The following MYO1H variants were observed in gnomAD, a reference collection of about 807,000 sequenced individuals.
MYO1H encodes the protein unconventional myosin-Ih.
MYO1H carries 118 observed loss-of-function variants against 149.3 expected under a neutral mutation model. The ratio of observed to expected loss-of-function variants is 0.79; its 90% CI spans 0.68 to 0.92. The LOEUF is 0.92. Ranked by LOEUF, MYO1H falls within the 40% of genes least tolerant of loss-of-function variation. The pLI, the probability that MYO1H is intolerant of heterozygous loss-of-function variation, is 0.00. For synonymous variants in MYO1H, 447 were observed against 465.2 expected (o/e 0.96, Z 0.50); for missense variants, 1,212 against 1,280.7 (o/e 0.95, Z 0.82).
At chr12:109,361,584 T>G (rs1336417440) in intron 1 of MYO1H, among the ~76,000 whole-genome samples, 2 of 152,052 alleles carry the variant, frequency 1.3e-5, no homozygotes, top group Non-Finnish European at 2.9e-5. Flanking sequence ...GGCAGGCAGA[T>G]CACTTGAGCT....
At chr12:109,420,020 G>T (rs1019394806) in intron 15 of MYO1H, among the ~76,000 whole-genome samples, 11 of 152,156 alleles carry the variant, frequency 7.2e-5, no homozygotes, top group African/African-American at 2.2e-4. Flanking sequence ...GATGCTGTTG[G>T]GTACCACCAG....
chr12:109,318,265 GTTTATA>G, the MYO1H span, among the ~76,000 whole-genome samples: 1 of 152,036 alleles, frequency 6.6e-6, no homozygotes, highest in Non-Finnish European at 1.5e-5. Context: ...ATTAGAACAA[GTTTATA>G]TTTATTATAA....
At chr12:109,396,359 T>C (rs1161524784) in intron 3 of MYO1H, 25 bp from the exon 4 acceptor site, 4 of 1,571,294 alleles carry the variant, frequency 2.5e-6, no homozygotes, top group Non-Finnish European at 3.5e-6. Flanking sequence ...AAAACGAATT[T>C]GTTTCCGTCT....
chr12:109,344,969 TACTC>T (rs2048098271), upstream of MYO1H, among the ~76,000 whole-genome samples: 1 of 152,200 alleles, frequency 6.6e-6, no homozygotes, highest in Non-Finnish European at 1.5e-5. Flanking sequence ...CACAAAAACT[TACTC>T]AAAATGAATT....
At chr12:109,440,618 A>G in intron 24 of MYO1H, 126 bp from the exon 25 acceptor site, 1 of 695,794 alleles carries the variant, frequency 1.4e-6, no homozygotes, top group Non-Finnish European at 2.5e-6. Context: ...TAAAATATAA[A>G]ATATTAACAC....
At position 109,443,116 on chromosome 12, in the gene MYO1H, A is replaced by ATATATGTGTACGTATATGTGTG. The variant is rs1566044937; in HGVS notation, c.2689-395_2689-394insATGTGTACGTATATGTGTGTAT. Among the ~76,000 whole-genome samples the ATATATGTGTACGTATATGTGTG allele has an allele frequency of 1.7e-4, 21 of 123,290 alleles. 5 individuals are homozygous for ATATATGTGTACGTATATGTGTG. The highest frequency in any genetic ancestry group is 6.4e-4 in the Admixed American group (8 of 12,532). The allele number at this position is 123,290 out of a possible 152,430, so 80.9% of individuals were successfully genotyped here. On this transcript the variant is annotated intron_variant, in intron 27 of 31. Coordinates refer to ENST00000310903, the Ensembl canonical transcript of MYO1H. ...TATATATGTGTACGTATATGTGTGT[A>ATATATGTGTACGTATATGTGTG]TATGTGTACGTATATATGTGTGTAT...
At chr12:109,399,963 T>TC in intron 5 of MYO1H, among the ~76,000 whole-genome samples, 1 of 152,032 alleles carries the variant, frequency 6.6e-6, no homozygotes, top group South Asian at 2.1e-4. Flanking sequence ...CCCAACACAC[T>TC]CCCCCTTCCC....
chr12:109,321,856 A>G, the MYO1H span, among the ~76,000 whole-genome samples: 42 of 152,350 alleles, frequency 2.8e-4, no homozygotes, highest in African/African-American at 9.4e-4. Context: ...ACTGATGACT[A>G]CAACCATTCC....
intron 22 of MYO1H, among the ~76,000 whole-genome samples, chr12:109,437,839 G>A (rs1871927227): frequency 6.6e-6 from 1 of 152,138 alleles, no homozygotes. Context: ...TGTAATTTCA[G>A]CACTTTGGGA....
chr12:109,312,465 G>A, the MYO1H span, among the ~76,000 whole-genome samples: 1 of 152,128 alleles, frequency 6.6e-6, no homozygotes, highest in Non-Finnish European at 1.5e-5. Context: ...TCAATCTCCT[G>A]ACCTCGTGAT....
chr12:109,351,565 TAA>T (rs546870165), intron 1 of MYO1H, among the ~76,000 whole-genome samples: 27 of 152,352 alleles, frequency 1.8e-4, no homozygotes, highest in African/African-American at 6.3e-4. Context: ...GTTATATTTC[TAA>T]AGAGATTGTA....
At chr12:109,408,330 C>T (rs545794117) in intron 10 of MYO1H, among the ~76,000 whole-genome samples, 3 of 146,322 alleles carry the variant, frequency 2.1e-5, no homozygotes, top group South Asian at 4.3e-4. Flanking sequence ...TACCACCATG[C>T]CCTGCTAATT....
chr12:109,417,330 T>C (rs192409302), intron 15 of MYO1H, among the ~76,000 whole-genome samples: 35 of 152,290 alleles, frequency 2.3e-4, no homozygotes, highest in African/African-American at 8.2e-4. Flanking sequence ...TCATTCTATA[T>C]ATCTGTTATG....
chr12:109,416,077 G>A (rs1407713264), intron 15 of MYO1H, among the ~76,000 whole-genome samples: 2 of 151,846 alleles, frequency 1.3e-5, no homozygotes, highest in African/African-American at 4.8e-5. Context: ...CAAGTAACTG[G>A]GATTACAGGT....
intron 1 of MYO1H, among the ~76,000 whole-genome samples, chr12:109,351,497 C>G (rs1271308053): frequency 1.3e-5 from 2 of 152,222 alleles, no homozygotes; most frequent in African/African-American, 4.8e-5. Flanking sequence ...TAAAAGCCAT[C>G]TAAAAGATTA....
At position 109,401,398 on chromosome 12, in the gene MYO1H, T is replaced by A. The variant is rs911593115; in HGVS notation, c.750+126T>A. 8 of 942,340 alleles carry A rather than the reference T, an allele frequency of 8.5e-6. 1 individual carries two copies. Among genetic ancestry groups the A allele is most frequent in the Non-Finnish European group, 1.2e-5 (8 of 643,656 alleles). 58.4% of individuals were successfully genotyped at this position (942,340 alleles called of 1,614,324 possible). A position where few individuals can be genotyped will look rare whatever the true frequency, so the allele number is the denominator to read the frequency against. On this transcript the variant is annotated intron_variant, in intron 6 of 31. Transcript: ENST00000310903. ...CCTGCTATGTGTCCTATTGGCTGAT[T>A]TCTCCATATATATATCACAAGCAAT...
At chr12:109,318,976 T>TTG in the MYO1H span, among the ~76,000 whole-genome samples, 1 of 135,922 alleles carries the variant, frequency 7.4e-6, no homozygotes, top group Non-Finnish European at 1.5e-5. Flanking sequence ...GGTTTTGTTT[T>TTG]TTTTTTTTTT....
intron 2 of MYO1H, 85 bp downstream of exon 2, chr12:109,388,929 A>C: frequency 6.8e-7 from 1 of 1,460,454 alleles, no homozygotes; most frequent in Non-Finnish European, 9.3e-7. Context: ...GAATAATAGC[A>C]CTCTATTAGG....
upstream of MYO1H, among the ~76,000 whole-genome samples, chr12:109,346,880 GTTATA>G (rs1443384399): frequency 6.6e-6 from 1 of 152,106 alleles, no homozygotes; most frequent in Non-Finnish European, 1.5e-5. Context: ...TCAAGGATAT[GTTATA>G]TTACCTATTC....
Sources: allele counts gnomAD v4.1 joint callset (sites outside exome capture counted in the v4.1 genomes callset), GRCh38; gene constraint gnomAD v4.1.1; transcripts MANE v1.5; gene names NCBI Gene and HGNC (gene_info 2026-07-23, HGNC 2026-07-21).